CCDC9: variants seen among roughly 807,000 people sequenced by gnomAD.
The protein encoded by CCDC9 is coiled-coil domain containing 9, also known as coiled-coil domain-containing protein 9.
A neutral mutation model predicts 65.6 loss-of-function variants in CCDC9; 52 were observed. The ratio of observed to expected loss-of-function variants is 0.79; its 90% CI spans 0.63 to 1.00. The LOEUF is 1.00. Ranked by LOEUF, CCDC9 falls within the 50% of genes least tolerant of loss-of-function variation. The pLI is 0.00. For missense variants in CCDC9, 834 were observed against 757.2 expected (o/e 1.10, Z -1.19); for synonymous variants, 332 against 280.3 (o/e 1.18, Z -1.84).
In CCDC9 at chr19:47,260,819, A is replaced by G. The variant is rs199806829; in HGVS notation, c.442A>G (p.Ile148Val). The change falls in exon 5 of 12, where the codon ATC becomes GTC. Residue 148 changes from isoleucine to valine, a missense_variant. Physicochemically the swap from Ile to Val is conservative, Grantham distance 29. Coordinates refer to ENST00000221922, the MANE Select transcript of CCDC9 (RefSeq NM_015603.3). ...CCTCTCTGGAGCTGGAGACACCTCA[A>G]TCTCTGACCGTAAATCCAAGGTAGG... ...PHLSGAGDTS[I>V]SDRKSKEWEE... The G allele has an allele frequency of 1.2e-5, 19 of 1,612,812 alleles. No homozygotes were observed. Among genetic ancestry groups the G allele is most frequent in the African/African-American group, 4.0e-5 (3 of 74,860 alleles).
downstream of CCDC9, among the ~76,000 whole-genome samples, chr19:47,272,765 C>A (rs1443717662): frequency 6.6e-6 from 1 of 152,072 alleles, no homozygotes; most frequent in East Asian, 1.9e-4. Flanking sequence ...CGAGGTGCAA[C>A]CTAGTGGGGC....
chr19:47,268,637 G>T (rs2059097138), intron 8 of CCDC9, among the ~76,000 whole-genome samples: 1 of 152,136 alleles, frequency 6.6e-6, no homozygotes, highest in Non-Finnish European at 1.5e-5. Flanking sequence ...GTTTGTGTGG[G>T]CCGGGTGCAG....
At chr19:47,258,121 G>A in intron 1 of CCDC9, 1 of 542,986 alleles carries the variant, frequency 1.8e-6, no homozygotes, top group Admixed American at 3.3e-5. Context: ...CATGGGAACT[G>A]GGTGAGTCCA....
chr19:47,258,079 C>G, intron 1 of CCDC9: 1 of 448,940 alleles, frequency 2.2e-6, no homozygotes, highest in South Asian at 2.4e-5. Flanking sequence ...GGGGCCAGAA[C>G]ATCCCCAAGG....
chr19:47,275,475 C>T (rs2059154197), downstream of CCDC9: 5 of 1,338,862 alleles, frequency 3.7e-6, no homozygotes, highest in Middle Eastern at 2.5e-4. Flanking sequence ...CTGGAGCCGT[C>T]ATCCCGCGGA....
At chr19:47,275,170 C>T (rs1166125319), downstream of CCDC9, 2 of 1,469,556 alleles carry the variant, frequency 1.4e-6, no homozygotes, top group Non-Finnish European at 1.8e-6. Flanking sequence ...GGCGTGCCGC[C>T]TGTCCCGGCG....
chr19:47,273,704 C>A, downstream of CCDC9: 1 of 377,210 alleles, frequency 2.7e-6, no homozygotes, highest in East Asian at 3.8e-5. Flanking sequence ...CCCTGGGCGG[C>A]TCGAGCCAGT....
chr19:47,268,957 C>T (rs1344398975), intron 8 of CCDC9, among the ~76,000 whole-genome samples: 1 of 151,616 alleles, frequency 6.6e-6, no homozygotes, highest in African/African-American at 2.4e-5. Context: ...TGTGTCTGGG[C>T]CAGGCGTGGT....
chr19:47,257,136 C>G (rs1462485682), intron 1 of CCDC9, among the ~76,000 whole-genome samples: 1 of 148,384 alleles, frequency 6.7e-6, no homozygotes, highest in Non-Finnish European at 1.5e-5. Context: ...GAGCGTTGGC[C>G]GGGAGGCGGG....
chr19:47,260,855 C>T lies in CCDC9; in HGVS notation c.462+16C>T, dbSNP rs768919258. On this transcript the variant is annotated intron_variant, in intron 5 of 11. Coordinates refer to ENST00000221922, the MANE Select transcript of CCDC9 (RefSeq NM_015603.3). ...TAAATCCAAGGTAGGAGCTAGGCAG[C>T]GCCTGGAGCCCTGGCTGAGGTTCTC... 1.9e-5 allele frequency: 30 copies of T among 1,599,480 alleles called. No homozygotes were observed. Among genetic ancestry groups the T allele is most frequent in the African/African-American group, 1.1e-4 (8 of 73,976 alleles).
rs1365591690 is a variant in CCDC9, at chr19:47,271,761, T to C, written c.*83T>C. On this transcript the variant is annotated 3_prime_UTR_variant, in exon 12 of 12. Coordinates refer to ENST00000221922, the MANE Select transcript of CCDC9 (RefSeq NM_015603.3). ...CGCGCGCGCGCGCGCGCGCGCGCGC[T>C]AGAGGGGTGTGGCTGGTGGGGGACC... 7.5e-7 allele frequency: 1 copy of C among 1,329,920 alleles called. No individual in the cohort carries two copies. Among genetic ancestry groups the C allele is most frequent in the Non-Finnish European group, 9.7e-7 (1 of 1,026,502 alleles). 82.4% of individuals were successfully genotyped at this position (1,329,920 alleles called of 1,614,324 possible).
downstream of CCDC9, chr19:47,273,603 C>T: frequency 2.5e-6 from 1 of 400,332 alleles, no homozygotes; most frequent in Non-Finnish European, 4.4e-6. Context: ...CCGGGCGGGG[C>T]CAGGGCAGTA....
chr19:47,259,595 A>G (rs531677585), intron 3 of CCDC9, among the ~76,000 whole-genome samples: 1 of 152,142 alleles, frequency 6.6e-6, no homozygotes, highest in African/African-American at 2.4e-5. Context: ...TCTCCCTGAG[A>G]TGGGATCTGG....
At chr19:47,264,310 C>T (rs1485350407) in intron 5 of CCDC9, among the ~76,000 whole-genome samples, 2 of 152,246 alleles carry the variant, frequency 1.3e-5, no homozygotes, top group African/African-American at 4.8e-5. Flanking sequence ...GCCACCATGT[C>T]AGCCTGGAGG....
downstream of CCDC9, among the ~76,000 whole-genome samples, chr19:47,272,581 C>G (rs907449479): frequency 1.2e-4 from 19 of 152,094 alleles, no homozygotes; most frequent in African/African-American, 4.3e-4. Flanking sequence ...GAGATCGCTC[C>G]ACTGTACTCC....
At chr19:47,275,294 C>A, downstream of CCDC9, 1 of 1,546,034 alleles carries the variant, frequency 6.5e-7, no homozygotes, top group Non-Finnish European at 8.7e-7. Context: ...GCCGTCCGAG[C>A]CGCCAGACAC....
chr19:47,260,559 C>A (rs1016624158), intron 4 of CCDC9, 29 bp from the exon 5 acceptor site: 1 of 1,543,596 alleles, frequency 6.5e-7, no homozygotes, highest in Non-Finnish European at 8.7e-7. Context: ...GCCCCAGTGA[C>A]TGTATTTTCC....
chr19:47,260,421 C>G lies in CCDC9; in HGVS notation c.209C>G (p.Ser70Trp). Reference sequence around the variant, plus strand: ...GAGAAGGAGAACGTGGCAGTGGAGTCGGTGAGCTCGTCACTGGGGTGTGGG... The same window carrying G: ...GAGAAGGAGAACGTGGCAGTGGAGTGGGTGAGCTCGTCACTGGGGTGTGGG... ...SVEKENVAVESEKNLGPSRRS... is the reference protein window; with the variant it reads ...SVEKENVAVEWEKNLGPSRRS... The change falls in exon 4 of 12, where the codon TCG (serine) becomes TGG (tryptophan). Residue 70 changes from serine (S) to tryptophan (W), a missense_variant and splice_region_variant. By Grantham distance (177) the Ser-to-Trp change is radical (BLOSUM62 -3). Transcript: ENST00000221922. 1 of 1,608,148 alleles carries G rather than the reference C, an allele frequency of 6.2e-7. No individual in the cohort carries two copies. The highest frequency in any genetic ancestry group is 1.3e-5 in the African/African-American group (1 of 74,832).
chr19:47,258,943 G>A (rs924000848), intron 3 of CCDC9, among the ~76,000 whole-genome samples: 2 of 152,304 alleles, frequency 1.3e-5, no homozygotes, highest in East Asian at 1.9e-4. Context: ...AGGGTCCACC[G>A]TCTAGTCAGG....
Sources: gnomAD v4.1 joint callset for allele counts (sites outside exome capture counted in the v4.1 genomes callset) on GRCh38, gnomAD v4.1.1 for gene constraint, MANE v1.5 for transcripts, NCBI Gene and HGNC (gene_info 2026-07-23, HGNC 2026-07-21) for gene names.